Variants in RNF157 observed in about 807,000 individuals in gnomAD.
The protein encoded by RNF157 is E3 ubiquitin ligase RNF157.
RNF157 carries 55 observed loss-of-function variants against 88.3 expected under a neutral mutation model. The observed-to-expected ratio is 0.62, with a 90% confidence interval of 0.50 to 0.78. The LOEUF (loss-of-function observed/expected upper bound fraction) is 0.78. Ranked by LOEUF, RNF157 falls within the 30% of genes least tolerant of loss-of-function variation. The pLI is 0.00. For synonymous variants in RNF157, 334 were observed against 341.2 expected (o/e 0.98, Z 0.23); for missense variants, 788 against 860.8 (o/e 0.92, Z 1.06).
intron 2 of RNF157, among the ~76,000 whole-genome samples, chr17:76,197,289 G>A (rs2069494328): frequency 6.6e-6 from 1 of 152,238 alleles, no homozygotes; most frequent in Non-Finnish European, 1.5e-5. Context: ...TAAGGACTGT[G>A]AAACTGGGTG....
At position 76,164,763 on chromosome 17, in the gene RNF157, G is replaced by A; in HGVS notation, c.705C>T (p.Leu235=). Residue 235 remains leucine, a synonymous_variant, in exon 8 of 19, where the codon CTC becomes CTT. Transcript: ENST00000269391. The part of the protein sequence containing the change: ...HTDGTFCVKP[L]KQKQVVDGVS... ...AAATACTTACTACTTGTTTCTGTTT[G>A]AGGGGCTTGACACAGAAAGTTCCAT... 1 of 1,610,284 alleles carries A rather than the reference G, an allele frequency of 6.2e-7. No individual in the cohort carries two copies. Among genetic ancestry groups the A allele is most frequent in the Non-Finnish European group, 8.5e-7 (1 of 1,176,674 alleles).
Position 76,164,738 on chromosome 17 carries a change from A to T in RNF157, c.720+10T>A. 1.9e-6 allele frequency: 3 copies of T among 1,585,524 alleles called. No individual in the cohort carries two copies. The highest frequency in any genetic ancestry group is 2.6e-6 in the Non-Finnish European group (3 of 1,154,448). On this transcript the variant is annotated intron_variant, in intron 8 of 18. Coordinates refer to ENST00000269391, the MANE Select transcript of RNF157 (RefSeq NM_052916.3). ...CTAATACTAACAGTCTGTGGTCTTC[A>T]AATACTTACTACTTGTTTCTGTTTG...
At chr17:76,169,896 A>G (rs955103589) in intron 3 of RNF157, among the ~76,000 whole-genome samples, 10 of 152,140 alleles carry the variant, frequency 6.6e-5, no homozygotes, top group Non-Finnish European at 1.2e-4. Flanking sequence ...AGGTTGTTTT[A>G]AAATGTTGGT....
At chr17:76,202,128 T>TCA (rs60491535) in intron 2 of RNF157, among the ~76,000 whole-genome samples, 2,209 of 134,610 alleles carry the variant, frequency 0.016, 30 homozygotes, top group South Asian at 0.021. Flanking sequence ...TCTCTCTCTC[T>TCA]CACACACACA....
intron 1 of RNF157, among the ~76,000 whole-genome samples, chr17:76,233,077 C>T (rs1281793159): frequency 6.6e-6 from 1 of 152,084 alleles, no homozygotes; most frequent in Non-Finnish European, 1.5e-5. Context: ...CCGGCCACCA[C>T]GCCCAGCTAA....
At chr17:76,166,920 G>T (rs58418601) in intron 5 of RNF157, 89 bp downstream of exon 5, 1 of 813,978 alleles carries the variant, frequency 1.2e-6, no homozygotes, top group Non-Finnish European at 2.0e-6. Context: ...TCAAGCATCC[G>T]AGCAGCCCCT....
At chr17:76,197,434 G>A (rs531159525) in intron 2 of RNF157, among the ~76,000 whole-genome samples, 28 of 152,184 alleles carry the variant, frequency 1.8e-4, no homozygotes, top group African/African-American at 2.9e-4. Flanking sequence ...AGGCTGAGGC[G>A]GGAAGATCAC....
chr17:76,154,302 A>G lies in RNF157; in HGVS notation c.1791T>C (p.Asp597=). The G allele has an allele frequency of 1.2e-6, 2 of 1,612,404 alleles. No homozygotes were observed. The highest frequency in any genetic ancestry group is 1.7e-6 in the Non-Finnish European group (2 of 1,178,388). ...AEGNDVIEEE[D]GSPTQEGQRT... ...TACCACCTTCCTGCGTGGGTGATCC[A>G]TCCTCTTCCTCTATAACATCATTTC... Residue 597 remains aspartate, a synonymous_variant, in exon 17 of 19, where the codon GAT becomes GAC. Transcript: ENST00000269391.
intron 3 of RNF157, among the ~76,000 whole-genome samples, chr17:76,172,008 G>A (rs1460885386): frequency 3.3e-5 from 5 of 152,222 alleles, no homozygotes. Context: ...CAGAGGCCTC[G>A]TTAGTCTGCT....
intron 13 of RNF157, 87 bp from the exon 14 acceptor site, chr17:76,156,408 A>G (rs902027303): frequency 3.8e-6 from 6 of 1,574,124 alleles, no homozygotes; most frequent in South Asian, 1.1e-5. Context: ...AGGTCTGGGT[A>G]GAGATGAGGA....
intron 12 of RNF157, among the ~76,000 whole-genome samples, chr17:76,158,843 C>T (rs2068806358): frequency 6.6e-6 from 1 of 152,154 alleles, no homozygotes; most frequent in African/African-American, 2.4e-5. Context: ...ACTTTTAGCT[C>T]CTCTGATGAC....
At chr17:76,225,786 C>T in intron 1 of RNF157, 1 of 1,555,904 alleles carries the variant, frequency 6.4e-7, no homozygotes, top group Middle Eastern at 1.7e-4. Context: ...GCCTTGCGGA[C>T]CTCTTCTATC....
chr17:76,166,243 G>A (rs562289196), intron 6 of RNF157, among the ~76,000 whole-genome samples: 1 of 152,140 alleles, frequency 6.6e-6, no homozygotes, highest in South Asian at 2.1e-4. Flanking sequence ...CCAAACTGCT[G>A]GGATTATACG....
chr17:76,186,233 C>G (rs1322192070), intron 2 of RNF157, among the ~76,000 whole-genome samples: 1 of 152,152 alleles, frequency 6.6e-6, no homozygotes, highest in Admixed American at 6.5e-5. Context: ...GGGCCAGGTG[C>G]GGTGACTCAT....
intron 2 of RNF157, among the ~76,000 whole-genome samples, chr17:76,197,050 C>T (rs964206734): frequency 6.6e-6 from 1 of 152,174 alleles, no homozygotes; most frequent in East Asian, 1.9e-4. Flanking sequence ...CCAGAGAACC[C>T]AACCTAAACC....
In RNF157 at chr17:76,155,241, G is replaced by A. The variant is rs1401561982; in HGVS notation, c.1764+11C>T. Reference sequence around the variant, plus strand: ...TGGGAAGGGGGCACCACTCCGTGCTGTTGGGGTTACCTCTGCATCCTGCTC... The same window carrying A: ...TGGGAAGGGGGCACCACTCCGTGCTATTGGGGTTACCTCTGCATCCTGCTC... On this transcript the variant is annotated intron_variant, in intron 16 of 18. Coordinates refer to ENST00000269391, the MANE Select transcript of RNF157 (RefSeq NM_052916.3). 2.5e-6 allele frequency: 4 copies of A among 1,613,242 alleles called. No individual in the cohort carries two copies. The highest frequency in any genetic ancestry group is 2.5e-6 in the Non-Finnish European group (3 of 1,179,240).
intron 1 of RNF157, 103 bp from the exon 2 acceptor site, chr17:76,212,585 T>C: frequency 1.4e-6 from 1 of 732,692 alleles, no homozygotes; most frequent in Non-Finnish European, 2.3e-6. Context: ...TTTTGGGCTG[T>C]GCGTGGTGGC....
chr17:76,236,074 T>C (rs191702090), intron 1 of RNF157, among the ~76,000 whole-genome samples: 1 of 152,276 alleles, frequency 6.6e-6, no homozygotes, highest in East Asian at 1.9e-4. Flanking sequence ...GAGATTATCC[T>C]TGATTATGTG....
At chr17:76,214,342 T>G (rs865993420) in intron 1 of RNF157, among the ~76,000 whole-genome samples, 1 of 152,124 alleles carries the variant, frequency 6.6e-6, no homozygotes, top group Non-Finnish European at 1.5e-5. Flanking sequence ...TGTGAGTGTA[T>G]AGGAGAAACT....
Sources: gnomAD v4.1 joint callset for allele counts (sites outside exome capture counted in the v4.1 genomes callset) on GRCh38, gnomAD v4.1.1 for gene constraint, MANE v1.5 for transcripts, NCBI Gene and HGNC (gene_info 2026-07-23, HGNC 2026-07-21) for gene names.